SMYD3: variants seen among roughly 807,000 people sequenced by gnomAD.
The protein encoded by SMYD3 is SET and MYND domain containing 3, also known as histone-lysine N-methyltransferase SMYD3.
A neutral mutation model predicts 57.7 loss-of-function variants in SMYD3; 36 were observed. That is an observed-to-expected ratio of 0.62 (90% CI 0.48 to 0.82). SMYD3 has a LOEUF of 0.82. Ranked by LOEUF, SMYD3 falls within the 40% of genes least tolerant of loss-of-function variation. The probability of loss-of-function intolerance (pLI) is 0.00; values close to 1 mark genes in which losing one functional copy is unlikely to be tolerated. For synonymous variants in SMYD3, 211 were observed against 195.0 expected (o/e 1.08, Z -0.68); for missense variants, 515 against 538.8 (o/e 0.96, Z 0.44).
chr1:246,359,609 T>C (rs1558422624), intron 1 of SMYD3, among the ~76,000 whole-genome samples: 1 of 152,080 alleles, frequency 6.6e-6, no homozygotes, highest in Non-Finnish European at 1.5e-5. Context: ...AAAAAGATAA[T>C]TCATCATGAT....
intron 5 of SMYD3, among the ~76,000 whole-genome samples, chr1:246,230,052 A>G (rs566499800): frequency 1.8e-4 from 28 of 152,304 alleles, no homozygotes; most frequent in Non-Finnish European, 3.5e-4. Context: ...CAAACACATG[A>G]CAACGTTTAA....
chr1:245,828,072 A>C (rs2049606400), intron 10 of SMYD3, among the ~76,000 whole-genome samples: 1 of 152,224 alleles, frequency 6.6e-6, no homozygotes, highest in Non-Finnish European at 1.5e-5. Context: ...GATGAAAAGG[A>C]ATACTGAACA....
chr1:245,946,644 C>T (rs998692481), intron 5 of SMYD3, among the ~76,000 whole-genome samples: 2 of 152,106 alleles, frequency 1.3e-5, no homozygotes, highest in Non-Finnish European at 2.9e-5. Flanking sequence ...GAAGGAAGTA[C>T]GTACAGGCAG....
chr1:245,866,150 G>A (rs2051826558), intron 8 of SMYD3, among the ~76,000 whole-genome samples: 1 of 152,208 alleles, frequency 6.6e-6, no homozygotes, highest in South Asian at 2.1e-4. Flanking sequence ...TCACTCAAGT[G>A]TGCCAGGGCA....
intron 5 of SMYD3, among the ~76,000 whole-genome samples, chr1:246,220,153 T>G (rs1325713945): frequency 6.6e-6 from 1 of 152,156 alleles, no homozygotes; most frequent in Non-Finnish European, 1.5e-5. Flanking sequence ...AATCTTAAAT[T>G]GTCCCAAATG....
rs191635596 is a variant in SMYD3 at position 245,971,192 on chromosome 1, T to C, written c.532-41255A>G. ...AACCATCATTCTCAGTAAACTAACA[T>C]AGGAAAAGAAAACCAAACACCACAT... On this transcript the variant is annotated intron_variant, in intron 5 of 11. Transcript: ENST00000490107. Among the ~76,000 whole-genome samples, 442 of 152,104 alleles carry C rather than the reference T, an allele frequency of 2.9e-3. 2 individuals are homozygous for C. Among genetic ancestry groups the C allele is most frequent in the African/African-American group, 9.8e-3 (408 of 41,518 alleles).
intron 5 of SMYD3, among the ~76,000 whole-genome samples, chr1:245,987,783 G>A (rs1036048937): frequency 6.6e-6 from 1 of 152,188 alleles, no homozygotes; most frequent in African/African-American, 2.4e-5. Context: ...AAGGCTCATG[G>A]GTGACCCCAG....
At chr1:246,499,275 G>C (rs1199382187) in intron 1 of SMYD3, among the ~76,000 whole-genome samples, 1 of 151,796 alleles carries the variant, frequency 6.6e-6, no homozygotes, top group Non-Finnish European at 1.5e-5. Context: ...CTGCACTCCA[G>C]CCTGGGCAAC....
At chr1:245,777,842 A>C (rs1250357103) in intron 10 of SMYD3, among the ~76,000 whole-genome samples, 1 of 152,208 alleles carries the variant, frequency 6.6e-6, no homozygotes, top group African/African-American at 2.4e-5. Context: ...GTTACAAAAC[A>C]ATACACCACA....
At chr1:245,963,563 C>G (rs567596694) in intron 5 of SMYD3, among the ~76,000 whole-genome samples, 2 of 151,532 alleles carry the variant, frequency 1.3e-5, no homozygotes, top group South Asian at 4.2e-4. Flanking sequence ...TCTAGCAGGG[C>G]CTCGCAGTGA....
intron 5 of SMYD3, among the ~76,000 whole-genome samples, chr1:246,063,492 T>C (rs1349121489): frequency 2.6e-5 from 4 of 152,100 alleles, no homozygotes; most frequent in African/African-American, 4.8e-5. Context: ...AGTTGCTAAA[T>C]GTCAGCCAAG....
At chr1:245,839,327 G>C (rs931775935) in intron 10 of SMYD3, among the ~76,000 whole-genome samples, 2 of 152,146 alleles carry the variant, frequency 1.3e-5, no homozygotes, top group African/African-American at 4.8e-5. Context: ...CTGCCACAGC[G>C]CCCAGCTAAG....
intron 5 of SMYD3, among the ~76,000 whole-genome samples, chr1:246,223,225 T>A (rs1433942979): frequency 6.6e-6 from 1 of 152,120 alleles, no homozygotes; most frequent in African/African-American, 2.4e-5. Flanking sequence ...GGGCCACAGA[T>A]GTATGACCAC....
At chr1:246,212,435 C>T (rs1421411503) in intron 5 of SMYD3, among the ~76,000 whole-genome samples, 1 of 151,916 alleles carries the variant, frequency 6.6e-6, no homozygotes, top group Non-Finnish European at 1.5e-5. Flanking sequence ...ACAGGAAAAA[C>T]ATAAAAGCAG....
chr1:246,444,399 C>G (rs758771207), intron 1 of SMYD3, among the ~76,000 whole-genome samples: 14 of 152,316 alleles, frequency 9.2e-5, no homozygotes, highest in Non-Finnish European at 1.5e-4. Flanking sequence ...GCTGGGATTA[C>G]AGGCATGAGC....
At chr1:245,897,731 C>T (rs1291396477) in intron 8 of SMYD3, among the ~76,000 whole-genome samples, 3 of 151,948 alleles carry the variant, frequency 2.0e-5, no homozygotes, top group African/African-American at 7.3e-5. Context: ...CCCATCTCTA[C>T]CAAAAAGTAT....
intron 5 of SMYD3, among the ~76,000 whole-genome samples, chr1:245,950,282 C>T (rs75605779): frequency 0.021 from 3,214 of 152,260 alleles, 43 homozygotes; most frequent in Non-Finnish European, 0.033. Flanking sequence ...CCCACACTGC[C>T]CCTTGGCTAC....
At chr1:246,247,119 CT>C (rs2063717042) in intron 5 of SMYD3, among the ~76,000 whole-genome samples, 1 of 152,174 alleles carries the variant, frequency 6.6e-6, no homozygotes, top group South Asian at 2.1e-4. Context: ...CAGGTCGCTA[CT>C]CTGTAGTCAG....
At chr1:246,107,304 A>G (rs570146214) in intron 5 of SMYD3, among the ~76,000 whole-genome samples, 43 of 152,268 alleles carry the variant, frequency 2.8e-4, no homozygotes, top group African/African-American at 9.4e-4. Flanking sequence ...GAAAAAAAAA[A>G]AGAATTTTGA....
Sources: gnomAD v4.1 joint callset for allele counts (sites outside exome capture counted in the v4.1 genomes callset) on GRCh38, gnomAD v4.1.1 for gene constraint, MANE v1.5 for transcripts, NCBI Gene and HGNC (gene_info 2026-07-23, HGNC 2026-07-21) for gene names.